The following GMEB1 variants were observed in gnomAD, a reference collection of about 807,000 sequenced individuals.
GMEB1 encodes the protein glucocorticoid modulatory element-binding protein 1.
In GMEB1, 6 loss-of-function variants were observed where a neutral mutation model predicts 52.4. That is an observed-to-expected ratio of 0.11 (90% confidence interval 0.06 to 0.23). The LOEUF (loss-of-function observed/expected upper bound fraction) is 0.23, where lower values mean the gene tolerates loss of function less well. Among genes scored for constraint, GMEB1 ranks in the 10% least tolerant of loss-of-function variants. GMEB1 has a pLI of 1.00. For synonymous variants in GMEB1, 255 were observed against 244.9 expected (o/e 1.04, Z -0.38); for missense variants, 486 against 685.6 (o/e 0.71, Z 3.25).
Position 28,714,400 on chromosome 1 carries a change from C to T in GMEB1, c.1319C>T (p.Thr440Ile). The change falls in exon 10 of 10, where the codon ACA becomes ATA. Residue 440 changes from threonine (T) to isoleucine (I), a missense_variant. This residue lies in a region of GMEB1 where 153 missense variants were observed against 200.8 expected (regional missense o/e 0.76). Transcript: ENST00000373816. ...GGCCCTCAGCTCTTCCGCTATGCCACAGTGGTCTCCTCTGCCAAGAGCAGC... is the reference window on the plus strand; with the variant it reads ...GGCCCTCAGCTCTTCCGCTATGCCATAGTGGTCTCCTCTGCCAAGAGCAGC... ...PSGPQLFRYA[T>I]VVSSAKSSSP... 1.2e-6 allele frequency: 2 copies of T among 1,614,196 alleles called. No individual in the cohort carries two copies. The highest frequency in any genetic ancestry group is 1.7e-6 in the Non-Finnish European group (2 of 1,180,006).
intron 5 of GMEB1, among the ~76,000 whole-genome samples, chr1:28,693,687 G>C (rs550246507): frequency 6.6e-6 from 1 of 151,984 alleles, no homozygotes; most frequent in Non-Finnish European, 1.5e-5. Flanking sequence ...TCCTGACCTC[G>C]TGATCCACCC....
chr1:28,683,231 C>CT (rs112492578), intron 1 of GMEB1, among the ~76,000 whole-genome samples: 46 of 146,220 alleles, frequency 3.1e-4, no homozygotes, highest in South Asian at 8.7e-4. Flanking sequence ...TTCTTCTTTT[C>CT]TTTTTTTTTT....
At chr1:28,688,830 G>A (rs1467267617) in intron 2 of GMEB1, among the ~76,000 whole-genome samples, 1 of 151,688 alleles carries the variant, frequency 6.6e-6, no homozygotes, top group Non-Finnish European at 1.5e-5. Context: ...GTCTTTTCAG[G>A]GTAATTCCAT....
upstream of GMEB1, chr1:28,668,734 G>A (rs1234456252): frequency 6.5e-6 from 1 of 152,812 alleles, no homozygotes; most frequent in Non-Finnish European, 1.5e-5. Flanking sequence ...AAGTGTTGAA[G>A]CCCGGCCTGG....
At chr1:28,674,123 C>T (rs565741311) in intron 1 of GMEB1, among the ~76,000 whole-genome samples, 5 of 150,608 alleles carry the variant, frequency 3.3e-5, no homozygotes, top group Non-Finnish European at 2.9e-5. Context: ...GCACTCCAGC[C>T]TGGGTGACAG....
At chr1:28,682,844 A>G (rs181495705) in intron 1 of GMEB1, among the ~76,000 whole-genome samples, 1 of 152,196 alleles carries the variant, frequency 6.6e-6, no homozygotes, top group East Asian at 1.9e-4. Flanking sequence ...TTGGTGTGGA[A>G]CTGGTAATGT....
chr1:28,681,700 A>G (rs914152306), intron 1 of GMEB1, among the ~76,000 whole-genome samples: 4 of 151,800 alleles, frequency 2.6e-5, no homozygotes, highest in African/African-American at 9.7e-5. Flanking sequence ...AGATCTTCTG[A>G]CTACACTTTT....
At chr1:28,690,408 G>C (rs1027190750) in intron 3 of GMEB1, among the ~76,000 whole-genome samples, 3 of 151,862 alleles carry the variant, frequency 2.0e-5, no homozygotes, top group African/African-American at 7.3e-5. Flanking sequence ...ATGTCAATTT[G>C]GAAGGGTAAC....
At chr1:28,678,475 A>T (rs1470503840) in intron 1 of GMEB1, among the ~76,000 whole-genome samples, 1 of 151,520 alleles carries the variant, frequency 6.6e-6, no homozygotes, top group Non-Finnish European at 1.5e-5. Context: ...GCGCCTGGCT[A>T]ATTTTTTGTA....
At chr1:28,677,595 G>A (rs1669216282) in intron 1 of GMEB1, among the ~76,000 whole-genome samples, 1 of 152,192 alleles carries the variant, frequency 6.6e-6, no homozygotes, top group Non-Finnish European at 1.5e-5. Flanking sequence ...AATTAAATGT[G>A]TTATAGCACG....
Position 28,696,791 on chromosome 1 carries a change from A to C in GMEB1, c.441-136A>C, listed in dbSNP as rs1670228641. On this transcript the variant is annotated intron_variant, in intron 5 of 9. Coordinates refer to ENST00000373816, the MANE Select transcript of GMEB1 (RefSeq NM_001319674.2). ...GCCCCAATTAGAATTTTTGCAACCT[A>C]ATGACTTCTAACACTATTAGGTTTC... is the stretch of plus-strand genomic sequence containing the variant. 6 of 577,476 alleles carry C rather than the reference A, an allele frequency of 1.0e-5. No homozygotes were observed. The East Asian group carries it at 1.9e-4, about 18-fold the overall frequency. The allele number at this position is 577,476 out of a possible 1,614,324, so 35.8% of individuals were successfully genotyped here.
intron 8 of GMEB1, among the ~76,000 whole-genome samples, chr1:28,705,874 G>T (rs1670735066): frequency 6.6e-6 from 1 of 151,728 alleles, no homozygotes; most frequent in Non-Finnish European, 1.5e-5. Context: ...CTCATATTCG[G>T]CCGGGCGCGG....
intron 8 of GMEB1, 147 bp downstream of exon 8, chr1:28,704,476 T>C: frequency 1.8e-6 from 1 of 564,288 alleles, no homozygotes; most frequent in Non-Finnish European, 2.8e-6. Flanking sequence ...ATAAGTTAAG[T>C]CACTTGTCTA....
intron 6 of GMEB1, among the ~76,000 whole-genome samples, chr1:28,701,439 T>G (rs1011803706): frequency 3.3e-5 from 5 of 151,742 alleles, no homozygotes; most frequent in African/African-American, 1.2e-4. Context: ...CCGGCTAATT[T>G]TTTGTATTTT....
intron 1 of GMEB1, among the ~76,000 whole-genome samples, chr1:28,669,602 C>G (rs1668790238): frequency 6.6e-6 from 1 of 151,970 alleles, no homozygotes; most frequent in Admixed American, 6.6e-5. Context: ...AGGCCCAGGT[C>G]TCCCCACAGA....
At chr1:28,673,499 C>T (rs983739751) in intron 1 of GMEB1, among the ~76,000 whole-genome samples, 2 of 151,954 alleles carry the variant, frequency 1.3e-5, no homozygotes, top group Non-Finnish European at 2.9e-5. Context: ...TTGTGATCCA[C>T]CCTCCTTGGC....
rs1671197803 is a variant in GMEB1, at chr1:28,714,408, T to C, written c.1327T>C (p.Ser443Pro). Residue 443 changes from serine to proline, a missense_variant, in exon 10 of 10, where the codon TCC becomes CCC. By Grantham distance (74) the Ser-to-Pro change is moderately conservative (BLOSUM62 -1). This residue lies in a region of GMEB1 where 153 missense variants were observed against 200.8 expected (regional missense o/e 0.76). Coordinates refer to ENST00000373816, the MANE Select transcript of GMEB1 (RefSeq NM_001319674.2). ...GCTCTTCCGCTATGCCACAGTGGTC[T>C]CCTCTGCCAAGAGCAGCTCACCAGA... Reference protein sequence around the residue: ...PQLFRYATVVSSAKSSSPDTV... With the variant: ...PQLFRYATVVPSAKSSSPDTV... 6.2e-7 allele frequency: 1 copy of C among 1,614,090 alleles called. No individual in the cohort carries two copies.
At chr1:28,695,951 A>C in intron 5 of GMEB1, among the ~76,000 whole-genome samples, 1 of 80,642 alleles carries the variant, frequency 1.2e-5, no homozygotes, top group South Asian at 5.7e-4. Flanking sequence ...AAAAAAAAAA[A>C]AAAAAAAAAA....
chr1:28,696,041 A>ATTGT (rs56937830), intron 5 of GMEB1, among the ~76,000 whole-genome samples: 1 of 136,080 alleles, frequency 7.3e-6, no homozygotes, highest in East Asian at 2.0e-4. Context: ...CTTTATTTTT[A>ATTGT]TTGTTTGTTT....
Sources: gnomAD v4.1 joint callset for allele counts (sites outside exome capture counted in the v4.1 genomes callset) on GRCh38, gnomAD v4.1.1 for gene constraint, gnomAD v4.1.1 regional missense constraint, MANE v1.5 for transcripts, NCBI Gene and HGNC (gene_info 2026-07-23, HGNC 2026-07-21) for gene names.